Variants in RYR2 observed in about 807,000 individuals in gnomAD.
RYR2 encodes cardiac muscle ryanodine receptor-calcium release channel.
In RYR2, 227 loss-of-function variants were observed where a neutral mutation model predicts 601.1. The ratio of observed to expected loss-of-function variants is 0.38; its 90% confidence interval spans 0.34 to 0.42. The LOEUF is 0.42. Ranked by LOEUF, RYR2 falls within the 10% of genes least tolerant of loss-of-function variation. RYR2 has a pLI of 1.00. For synonymous variants in RYR2, 2,223 were observed against 2,175.1 expected (o/e 1.02, Z -0.61); for missense variants, 4,646 against 6,156.5 (o/e 0.75, Z 8.21).
At chr1:237,271,905 G>A (rs879812879) in intron 2 of RYR2, among the ~76,000 whole-genome samples, 18 of 152,090 alleles carry the variant, frequency 1.2e-4, no homozygotes, top group Admixed American at 6.5e-5. Context: ...CAAGGCAGGC[G>A]GATCACTTGA....
chr1:237,244,945 T>G (rs1226749321), intron 1 of RYR2, among the ~76,000 whole-genome samples: 1 of 152,208 alleles, frequency 6.6e-6, no homozygotes, highest in African/African-American at 2.4e-5. Flanking sequence ...GTTTAATCAC[T>G]CACTGTTTTT....
intron 1 of RYR2, among the ~76,000 whole-genome samples, chr1:237,091,428 TGG>T (rs759781231): frequency 1.7e-4 from 21 of 123,464 alleles, no homozygotes; most frequent in East Asian, 4.6e-4. Flanking sequence ...TTCTTTTTTT[TGG>T]GGGGGGCGGG....
intron 1 of RYR2, among the ~76,000 whole-genome samples, chr1:237,231,767 T>A (rs1216950320): frequency 6.6e-6 from 1 of 152,116 alleles, no homozygotes; most frequent in Non-Finnish European, 1.5e-5. Context: ...AACACTGTGG[T>A]CATGGCCTAA....
Position 237,666,599 on chromosome 1 carries a change from A to C in RYR2, c.8514+10A>C. The C allele has an allele frequency of 6.2e-7, 1 of 1,600,706 alleles. No individual in the cohort carries two copies. Among genetic ancestry groups the C allele is most frequent in the Non-Finnish European group, 8.5e-7 (1 of 1,171,148 alleles). ...ATCTAGAGACCTGCATGTAAGTACT[A>C]TTAACTTTTAAAAATAGTCTCCAAA... On this transcript the variant is annotated intron_variant, in intron 57 of 104. Transcript: ENST00000366574.
intron 8 of RYR2, among the ~76,000 whole-genome samples, chr1:237,386,221 A>C (rs4376724): frequency 0.31 from 46,503 of 152,130 alleles, 8,489 homozygotes; most frequent in Middle Eastern, 0.46. Context: ...CACTGTGTAC[A>C]TATCACAATG....
chr1:237,529,041 A>G (rs916209693), intron 24 of RYR2, among the ~76,000 whole-genome samples: 6 of 152,212 alleles, frequency 3.9e-5, no homozygotes, highest in Non-Finnish European at 5.9e-5. Flanking sequence ...CCCTGAAGAT[A>G]CTATCATAAT....
intron 1 of RYR2, among the ~76,000 whole-genome samples, chr1:237,179,234 A>T (rs1296991551): frequency 6.6e-6 from 1 of 151,100 alleles, no homozygotes; most frequent in African/African-American, 2.5e-5. Flanking sequence ...AATATTTCAG[A>T]TATGAAGAGA....
Position 237,530,454 on chromosome 1 carries a change from G to A in RYR2, c.2850G>A (p.Val950=). 6.2e-7 allele frequency: 1 copy of A among 1,609,200 alleles called. No individual in the cohort carries two copies. Among genetic ancestry groups the A allele is most frequent in the Non-Finnish European group, 8.5e-7 (1 of 1,177,694 alleles). The change falls in exon 25 of 105, where the codon GTG becomes GTA. Residue 950 remains valine (V), a synonymous_variant. Coordinates refer to ENST00000366574, the MANE Select transcript of RYR2 (RefSeq NM_001035.3). ...LKTLLALGCH[V]GISDEHAEDK... ...CTTTGTTGGCATTAGGATGTCATGT[G>A]GGTATATCAGATGAACATGCTGAAG...
At chr1:237,540,504 C>T (rs1046392761) in intron 25 of RYR2, among the ~76,000 whole-genome samples, 9 of 151,996 alleles carry the variant, frequency 5.9e-5, no homozygotes, top group African/African-American at 4.8e-5. Flanking sequence ...GTCAGGGGTT[C>T]GAGACCAGCC....
At chr1:237,612,992 T>C (rs1678055623) in intron 36 of RYR2, among the ~76,000 whole-genome samples, 1 of 152,206 alleles carries the variant, frequency 6.6e-6, no homozygotes, top group Non-Finnish European at 1.5e-5. Flanking sequence ...AAACTGAGGC[T>C]AAGAGTGACA....
chr1:237,238,754 T>A (rs1004558129), intron 1 of RYR2, among the ~76,000 whole-genome samples: 1 of 152,172 alleles, frequency 6.6e-6, no homozygotes, highest in Non-Finnish European at 1.5e-5. Context: ...TCACCTTAGA[T>A]CTGTAAGAGA....
chr1:237,478,590 A>G (rs12734456), intron 17 of RYR2, among the ~76,000 whole-genome samples: 27,824 of 152,212 alleles, frequency 0.18, 3,240 homozygotes, highest in South Asian at 0.29. Context: ...GCATAATAAT[A>G]GCAAAGGCTG....
intron 84 of RYR2, 90 bp downstream of exon 84, chr1:237,761,118 A>G (rs1471067519): frequency 3.9e-6 from 3 of 777,902 alleles, no homozygotes; most frequent in Non-Finnish European, 6.5e-6. Flanking sequence ...TAGAGAGATA[A>G]GAAGTTATTT....
At chr1:237,248,197 C>T (rs761061845) in intron 1 of RYR2, among the ~76,000 whole-genome samples, 12 of 142,190 alleles carry the variant, frequency 8.4e-5, no homozygotes, top group Admixed American at 1.5e-4. Context: ...GCTTAAACCA[C>T]GGAGGCAGAG....
rs139669911 is a variant in RYR2, at chr1:237,610,717, A to G, written c.4684-45A>G. ...TCTAGTCATTACTTTGTGAACCCCA[A>G]GGGATGTTCTACATTTATTCTTTTT... is the stretch of plus-strand genomic sequence containing the variant. On this transcript the variant is annotated intron_variant, in intron 35 of 104. Transcript: ENST00000366574. The surrounding 1 kb of genome is among the most constrained non-coding windows in gnomAD (Gnocchi z 4.9). 7,762 of 1,472,534 alleles carry G rather than the reference A, an allele frequency of 5.3e-3. 25 individuals carry two copies. Among genetic ancestry groups the G allele is most frequent in the Middle Eastern group, 0.01 (42 of 4,188 alleles). 91.2% of individuals were successfully genotyped at this position (1,472,534 alleles called of 1,614,324 possible). A position where few individuals can be genotyped will look rare whatever the true frequency, so the allele number is the denominator to read the frequency against.
At chr1:237,179,022 T>A (rs887457551) in intron 1 of RYR2, among the ~76,000 whole-genome samples, 6 of 152,240 alleles carry the variant, frequency 3.9e-5, no homozygotes, top group Admixed American at 3.3e-4. Context: ...CCCTATTTTG[T>A]TAAATTTGCT....
rs2148430388 is a variant in RYR2 at position 237,589,794 on chromosome 1, A to T, written c.3600A>T (p.Gly1200=). Residue 1200 remains glycine, a splice_region_variant and synonymous_variant, in exon 30 of 105, where the codon GGA becomes GGT. Coordinates refer to ENST00000366574, the MANE Select transcript of RYR2 (RefSeq NM_001035.3). Reference sequence around the variant, plus strand: ...ACTTGATTTTTTTTTTCTTCCCAGGATTCATACCTGTGTGTAGCCTTGGAG... The same window carrying T: ...ACTTGATTTTTTTTTTCTTCCCAGGTTTCATACCTGTGTGTAGCCTTGGAG... The part of the protein sequence containing the change: ...LAFKDFDVGD[G]FIPVCSLGVA... The T allele has an allele frequency of 6.2e-7, 1 of 1,613,236 alleles. No individual in the cohort carries two copies. Among genetic ancestry groups the T allele is most frequent in the African/African-American group, 1.3e-5 (1 of 74,968 alleles).
At chr1:237,502,610 G>T (rs571715980) in intron 21 of RYR2, among the ~76,000 whole-genome samples, 2 of 152,064 alleles carry the variant, frequency 1.3e-5, no homozygotes, top group South Asian at 4.1e-4. Flanking sequence ...AATAGGGTTC[G>T]CACTCCTATG....
intron 1 of RYR2, among the ~76,000 whole-genome samples, chr1:237,247,064 A>G (rs912629349): frequency 6.6e-6 from 1 of 152,226 alleles, no homozygotes; most frequent in African/African-American, 2.4e-5. Flanking sequence ...GTCTAGTAGT[A>G]GCACTAGTAT....
Sources: allele counts gnomAD v4.1 joint callset (sites outside exome capture counted in the v4.1 genomes callset), GRCh38; gene constraint gnomAD v4.1.1; non-coding constraint Gnocchi (gnomAD v3.1); transcripts MANE v1.5; gene names NCBI Gene and HGNC (gene_info 2026-07-23, HGNC 2026-07-21).